The following HCN1 variants were observed in gnomAD, a reference collection of about 807,000 sequenced individuals.
HCN1 encodes the protein potassium/sodium hyperpolarization-activated cyclic nucleotide-gated channel 1.
In HCN1, 13 loss-of-function variants were observed where a neutral mutation model predicts 78.9. The observed-to-expected ratio is 0.16, with a 90% CI of 0.11 to 0.26. The LOEUF (loss-of-function observed/expected upper bound fraction) is 0.26, where lower values mean the gene tolerates loss of function less well. Ranked by LOEUF, HCN1 falls within the 10% of genes least tolerant of loss-of-function variation. The pLI, the probability that HCN1 is intolerant of heterozygous loss-of-function variation, is 1.00. For synonymous variants in HCN1, 552 were observed against 455.5 expected, an observed-to-expected ratio of 1.21 and a Z score of -2.70; for missense variants, 810 against 1,154.3, an observed-to-expected ratio of 0.70 and a Z score of 4.32.
chr5:45,626,414 C>T (rs1257140935), intron 2 of HCN1, among the ~76,000 whole-genome samples: 1 of 152,108 alleles, frequency 6.6e-6, no homozygotes. Context: ...AATATCTAAG[C>T]ACTGAGAATT....
At chr5:45,340,410 T>C (rs780699747) in intron 5 of HCN1, among the ~76,000 whole-genome samples, 7 of 152,210 alleles carry the variant, frequency 4.6e-5, no homozygotes, top group Non-Finnish European at 7.3e-5. Flanking sequence ...TCTGGAATCC[T>C]AACTTCTCCA....
intron 2 of HCN1, among the ~76,000 whole-genome samples, chr5:45,565,373 T>A (rs1009963298): frequency 6.6e-6 from 1 of 152,188 alleles, no homozygotes; most frequent in African/African-American, 2.4e-5. Flanking sequence ...CAACACACAC[T>A]AATAGTTTTC....
At chr5:45,279,691 T>C (rs1196303133) in intron 6 of HCN1, among the ~76,000 whole-genome samples, 1 of 152,118 alleles carries the variant, frequency 6.6e-6, no homozygotes, top group African/African-American at 2.4e-5. Context: ...CTTGTTTCAC[T>C]GGTACCTCAT....
chr5:45,462,525 T>G (rs1741183553), intron 2 of HCN1, among the ~76,000 whole-genome samples: 1 of 152,112 alleles, frequency 6.6e-6, no homozygotes, highest in Non-Finnish European at 1.5e-5. Context: ...AGTGGAGATA[T>G]TTAATTGTGG....
intron 5 of HCN1, among the ~76,000 whole-genome samples, chr5:45,304,506 T>A (rs1294798158): frequency 3.3e-5 from 5 of 151,968 alleles, no homozygotes; most frequent in Non-Finnish European, 7.4e-5. Context: ...TGAAACCCTG[T>A]CTCTACTAAA....
At chr5:45,530,066 G>A (rs762670578) in intron 2 of HCN1, among the ~76,000 whole-genome samples, 28 of 152,002 alleles carry the variant, frequency 1.8e-4, no homozygotes, top group Non-Finnish European at 3.1e-4. Context: ...GACGAATTAA[G>A]ACAAAATTCT....
At chr5:45,582,404 C>A (rs1227557473) in intron 2 of HCN1, among the ~76,000 whole-genome samples, 2 of 152,142 alleles carry the variant, frequency 1.3e-5, no homozygotes, top group Non-Finnish European at 2.9e-5. Context: ...TGCCTATCAC[C>A]TTAAGGAGAT....
chr5:45,589,496 T>C (rs1744310424), intron 2 of HCN1, among the ~76,000 whole-genome samples: 1 of 152,168 alleles, frequency 6.6e-6, no homozygotes, highest in South Asian at 2.1e-4. Flanking sequence ...ATTGACTCTG[T>C]TAAGGTCTTT....
intron 2 of HCN1, among the ~76,000 whole-genome samples, chr5:45,585,604 AT>A (rs34214379): frequency 1.1e-3 from 162 of 152,162 alleles, no homozygotes; most frequent in Admixed American, 2.0e-3. Context: ...AGGCACTCTG[AT>A]TTTTAGAGTT....
intron 3 of HCN1, among the ~76,000 whole-genome samples, chr5:45,433,629 T>C (rs1471558435): frequency 6.6e-6 from 1 of 152,182 alleles, no homozygotes; most frequent in African/African-American, 2.4e-5. Context: ...TTCTTGTTTA[T>C]AGGCACTAAA....
At chr5:45,575,275 T>G (rs1339944965) in intron 2 of HCN1, 1 of 152,092 alleles carries the variant, frequency 6.6e-6, no homozygotes, top group African/African-American at 2.4e-5. Flanking sequence ...GAAGCCAATG[T>G]TCATTGACTA....
intron 2 of HCN1, among the ~76,000 whole-genome samples, chr5:45,589,998 T>C (rs372272152): frequency 6.6e-6 from 1 of 152,190 alleles, no homozygotes; most frequent in Non-Finnish European, 1.5e-5. Flanking sequence ...AAGATATCAA[T>C]TGGATGACTA....
intron 3 of HCN1, among the ~76,000 whole-genome samples, chr5:45,428,799 A>C (rs1740404983): frequency 6.6e-6 from 1 of 152,124 alleles, no homozygotes; most frequent in African/African-American, 2.4e-5. Context: ...GAAAAAGCTG[A>C]AATAGCAAGG....
intron 1 of HCN1, among the ~76,000 whole-genome samples, chr5:45,693,100 A>C (rs1475277424): frequency 6.6e-6 from 1 of 152,188 alleles, no homozygotes; most frequent in Non-Finnish European, 1.5e-5. Context: ...TCATGACCGC[A>C]AAAATTTCTA....
chr5:45,692,834 A>G (rs564559855), intron 1 of HCN1, among the ~76,000 whole-genome samples: 12 of 152,298 alleles, frequency 7.9e-5, no homozygotes, highest in African/African-American at 2.9e-4. Context: ...AAACAGTGTT[A>G]AAGTCACGAC....
intron 2 of HCN1, among the ~76,000 whole-genome samples, chr5:45,607,967 TG>T (rs1744756211): frequency 6.6e-6 from 1 of 151,796 alleles, no homozygotes; most frequent in Admixed American, 6.6e-5. Flanking sequence ...TTATATATAA[TG>T]GGAGCCCAAA....
chr5:45,439,420 A>G (rs528887617), intron 3 of HCN1, among the ~76,000 whole-genome samples: 2 of 152,262 alleles, frequency 1.3e-5, no homozygotes, highest in African/African-American at 4.8e-5. Context: ...TTAACCTTCA[A>G]ATTAAATGTA....
intron 2 of HCN1, among the ~76,000 whole-genome samples, chr5:45,587,759 T>C (rs149415486): frequency 6.6e-6 from 1 of 152,148 alleles, no homozygotes; most frequent in Non-Finnish European, 1.5e-5. Context: ...CCAGAACATA[T>C]GTCATTAACT....
At chr5:45,309,723 G>C (rs111832565) in intron 5 of HCN1, among the ~76,000 whole-genome samples, 2,501 of 152,130 alleles carry the variant, frequency 0.016, 76 homozygotes, top group African/African-American at 0.058. Context: ...GCCTACTTGA[G>C]TTTTGGTGGA....
Sources: gnomAD v4.1 joint callset for allele counts (sites outside exome capture counted in the v4.1 genomes callset) on GRCh38, gnomAD v4.1.1 for gene constraint, MANE v1.5 for transcripts, NCBI Gene and HGNC (gene_info 2026-07-23, HGNC 2026-07-21) for gene names.